MPHOSPH6: variants seen among roughly 807,000 people sequenced by gnomAD.
MPHOSPH6 encodes M-phase phosphoprotein 6.
MPHOSPH6 carries 25 observed loss-of-function variants against 21.8 expected under a neutral mutation model. That is an observed-to-expected ratio of 1.15 (90% CI 0.83 to 1.60). The LOEUF is 1.60. MPHOSPH6 is among the 40% of genes most tolerant of loss of function. The pLI is 0.00. For missense variants in MPHOSPH6, 269 were observed against 181.8 expected (o/e 1.48, Z -2.76); for synonymous variants, 84 against 56.5 (o/e 1.49, Z -2.18).
At chr16:82,153,130 A>G (rs547822837) in intron 2 of MPHOSPH6, among the ~76,000 whole-genome samples, 2 of 152,034 alleles carry the variant, frequency 1.3e-5, no homozygotes, top group South Asian at 4.2e-4. Context: ...CTCACCTCCA[A>G]AAAAAAAGAA....
intron 2 of MPHOSPH6, among the ~76,000 whole-genome samples, chr16:82,159,660 C>T (rs979296601): frequency 6.6e-6 from 1 of 152,176 alleles, no homozygotes; most frequent in Non-Finnish European, 1.5e-5. Context: ...CCTGCCTCGG[C>T]CTCCCAAAGT....
intron 1 of MPHOSPH6, chr16:82,164,569 T>G: frequency 5.6e-6 from 1 of 178,558 alleles, no homozygotes; most frequent in Non-Finnish European, 1.2e-5. Flanking sequence ...CTGACATAGG[T>G]AAAGCTACTA....
chr16:82,157,028 G>C (rs1020804802), intron 2 of MPHOSPH6, among the ~76,000 whole-genome samples: 3 of 151,928 alleles, frequency 2.0e-5, no homozygotes, highest in South Asian at 2.1e-4. Context: ...TGTAGCTTGG[G>C]CAACAGAGCG....
At chr16:82,161,827 G>C (rs984697713) in intron 2 of MPHOSPH6, among the ~76,000 whole-genome samples, 1 of 152,196 alleles carries the variant, frequency 6.6e-6, no homozygotes, top group African/African-American at 2.4e-5. Flanking sequence ...CTAGCCACTG[G>C]CTAAAAGTGT....
chr16:82,161,654 C>G (rs1321853113), intron 2 of MPHOSPH6, among the ~76,000 whole-genome samples: 1 of 152,166 alleles, frequency 6.6e-6, no homozygotes, highest in East Asian at 1.9e-4. Flanking sequence ...AGCAGATGCC[C>G]TTCTAGGAAA....
At chr16:82,169,423 C>T (rs1456145807) in intron 1 of MPHOSPH6, among the ~76,000 whole-genome samples, 1 of 152,208 alleles carries the variant, frequency 6.6e-6, no homozygotes, top group African/African-American at 2.4e-5. Context: ...TCACCCTCTT[C>T]TCCCTGGAAG....
intron 1 of MPHOSPH6, among the ~76,000 whole-genome samples, 188 bp from the exon 2 acceptor site, chr16:82,164,382 C>A (rs6564995): frequency 1.3e-5 from 2 of 152,116 alleles, no homozygotes; most frequent in African/African-American, 4.8e-5. Flanking sequence ...ACGATGAGGG[C>A]TTGTGTCAGG....
At chr16:82,167,309 G>A (rs1243318524) in intron 1 of MPHOSPH6, among the ~76,000 whole-genome samples, 3 of 152,144 alleles carry the variant, frequency 2.0e-5, no homozygotes, top group Non-Finnish European at 4.4e-5. Flanking sequence ...GACCAAGTCA[G>A]AGGCATTGAA....
chr16:82,168,739 T>TG (rs1256222836), intron 1 of MPHOSPH6, among the ~76,000 whole-genome samples: 2 of 152,248 alleles, frequency 1.3e-5, no homozygotes, highest in Admixed American at 1.3e-4. Context: ...CTCAAAGTGC[T>TG]GGGACTACAG....
At chr16:82,154,827 T>C (rs1906378475) in intron 2 of MPHOSPH6, among the ~76,000 whole-genome samples, 1 of 152,216 alleles carries the variant, frequency 6.6e-6, no homozygotes, top group South Asian at 2.1e-4. Flanking sequence ...AAGGAAGAAA[T>C]AATTTCAATT....
intron 1 of MPHOSPH6, among the ~76,000 whole-genome samples, chr16:82,169,525 C>A (rs1386736814): frequency 6.6e-6 from 1 of 152,312 alleles, no homozygotes; most frequent in Non-Finnish European, 1.5e-5. Context: ...AGATTTTAGA[C>A]TTGCATCTCC....
intron 2 of MPHOSPH6, among the ~76,000 whole-genome samples, chr16:82,162,669 G>GC (rs775579590): frequency 1.3e-5 from 2 of 152,132 alleles, no homozygotes; most frequent in African/African-American, 2.4e-5. Flanking sequence ...GCCCCGAGGG[G>GC]CCCCCCTATG....
At chr16:82,154,570 T>C (rs575764989) in intron 2 of MPHOSPH6, among the ~76,000 whole-genome samples, 2 of 151,654 alleles carry the variant, frequency 1.3e-5, no homozygotes, top group East Asian at 3.9e-4. Context: ...AAAACATGCA[T>C]GCAATGAAGA....
rs568086848 is a variant in MPHOSPH6, at chr16:82,170,149, C to T, written c.27G>A (p.Leu9=). MAAERKTR[L]SKNLLRMKFM... ...CCTTCATGCGCAGTAGATTCTTGGA[C>T]AACCTTGTCTTTCGCTCGGCCGCCA... The change falls in exon 1 of 5, where the codon TTG becomes TTA. Residue 9 remains leucine, a synonymous_variant. Transcript: ENST00000258169. The T allele has an allele frequency of 3.0e-5, 48 of 1,596,684 alleles. No individual in the cohort carries two copies. The highest frequency in any genetic ancestry group is 7.8e-5 in the South Asian group (7 of 89,244).
chr16:82,158,114 C>A (rs1426312296), intron 2 of MPHOSPH6, among the ~76,000 whole-genome samples: 2 of 152,068 alleles, frequency 1.3e-5, no homozygotes, highest in Non-Finnish European at 2.9e-5. Context: ...CTTGATGACA[C>A]AGCACAAATT....
At position 82,154,324 on chromosome 16, in the gene MPHOSPH6, T is replaced by G. The variant is rs562027534; in HGVS notation, c.165-2810A>C. On this transcript the variant is annotated intron_variant, in intron 2 of 4. Coordinates refer to ENST00000258169, the MANE Select transcript of MPHOSPH6 (RefSeq NM_005792.2). ...CCTAACAAAATCAAGCTGATTGGCA[T>G]GTAAGTCAACTGCCTAATGAAACAA... Among the ~76,000 whole-genome samples the G allele has an allele frequency of 3.3e-5, 5 of 152,308 alleles. No individual in the cohort carries two copies. In the South Asian group the frequency reaches 1.0e-3, roughly 32 times the overall value.
At chr16:82,151,328 G>C in intron 3 of MPHOSPH6, 96 bp downstream of exon 3, 3 of 1,507,128 alleles carry the variant, frequency 2.0e-6, no homozygotes, top group Non-Finnish European at 2.7e-6. Context: ...ATAATGAGTA[G>C]AAATGGTACC....
At chr16:82,159,294 G>C (rs1906531093) in intron 2 of MPHOSPH6, among the ~76,000 whole-genome samples, 1 of 152,036 alleles carries the variant, frequency 6.6e-6, no homozygotes, top group African/African-American at 2.4e-5. Flanking sequence ...AAAGTTATTT[G>C]TCATTAAAAA....
At chr16:82,164,275 C>T (rs1470249763) in intron 1 of MPHOSPH6, 81 bp from the exon 2 acceptor site, 10 of 902,358 alleles carry the variant, frequency 1.1e-5, no homozygotes, top group Non-Finnish European at 1.7e-5. Flanking sequence ...TCTTCTTCTA[C>T]TTGTTCTCCT....
Sources: gnomAD v4.1 joint callset for allele counts (sites outside exome capture counted in the v4.1 genomes callset) on GRCh38, gnomAD v4.1.1 for gene constraint, MANE v1.5 for transcripts, NCBI Gene and HGNC (gene_info 2026-07-23, HGNC 2026-07-21) for gene names.